DPP10: variants seen among roughly 807,000 people sequenced by gnomAD.
The protein encoded by DPP10 is dipeptidyl peptidase like 10, also known as inactive dipeptidyl peptidase 10.
Under a neutral mutation model 120.9 loss-of-function variants are expected in DPP10, and 33 were observed. The observed-to-expected ratio is 0.27, with a 90% confidence interval of 0.21 to 0.37. The LOEUF (loss-of-function observed/expected upper bound fraction) is 0.37, where lower values mean the gene tolerates loss of function less well. Among genes scored for constraint, DPP10 ranks in the 10% least tolerant of loss-of-function variants. The pLI is 1.00. For missense variants in DPP10, 816 were observed against 942.8 expected (o/e 0.87, Z 1.76); for synonymous variants, 337 against 326.1 (o/e 1.03, Z -0.36).
At chr2:115,711,916 G>GTTT (rs1245249118) in intron 7 of DPP10, among the ~76,000 whole-genome samples, 16 of 44,716 alleles carry the variant, frequency 3.6e-4, no homozygotes, top group South Asian at 9.6e-4. Context: ...AAATGGTCTG[G>GTTT]TTTTTTTTTT....
chr2:115,124,653 G>GA (rs2049984560), intron 1 of DPP10, among the ~76,000 whole-genome samples: 2 of 152,046 alleles, frequency 1.3e-5, no homozygotes, highest in South Asian at 2.1e-4. Flanking sequence ...CTAATACCTA[G>GA]AATTATAGCC....
chr2:114,469,264 A>G (rs1305352654), intron 1 of DPP10, among the ~76,000 whole-genome samples: 1 of 152,244 alleles, frequency 6.6e-6, no homozygotes, highest in Non-Finnish European at 1.5e-5. Flanking sequence ...TGAGATCAAG[A>G]GTGCAAAAGT....
intron 1 of DPP10, among the ~76,000 whole-genome samples, chr2:115,113,369 TTC>T: frequency 6.6e-6 from 1 of 152,024 alleles, no homozygotes; most frequent in South Asian, 2.1e-4. Context: ...CAAATGTGTC[TTC>T]TGTTAGCCTT....
chr2:114,910,169 C>T (rs1236973509), intron 1 of DPP10, among the ~76,000 whole-genome samples: 4 of 151,936 alleles, frequency 2.6e-5, no homozygotes, highest in East Asian at 1.9e-4. Context: ...AATGTATACA[C>T]ACACATATAA....
chr2:115,808,066 G>A (rs949329269), intron 19 of DPP10, among the ~76,000 whole-genome samples: 1 of 152,132 alleles, frequency 6.6e-6, no homozygotes, highest in South Asian at 2.1e-4. Flanking sequence ...GAAGAAGCTC[G>A]TAAGATACCT....
At chr2:115,066,481 T>C (rs1706851517) in intron 1 of DPP10, among the ~76,000 whole-genome samples, 1 of 152,204 alleles carries the variant, frequency 6.6e-6, no homozygotes. Flanking sequence ...ATGGGAGTCT[T>C]AAGGGTCCAT....
At chr2:115,513,743 A>G (rs1558781629) in intron 4 of DPP10, among the ~76,000 whole-genome samples, 1 of 152,004 alleles carries the variant, frequency 6.6e-6, no homozygotes, top group Non-Finnish European at 1.5e-5. Context: ...CGCTTTTATA[A>G]TAATTGTTTT....
chr2:114,660,041 T>C (rs779676315), intron 1 of DPP10, among the ~76,000 whole-genome samples: 1 of 152,134 alleles, frequency 6.6e-6, no homozygotes, highest in Non-Finnish European at 1.5e-5. Flanking sequence ...TAAATGTATG[T>C]GGTTTTAAGC....
intron 3 of DPP10, among the ~76,000 whole-genome samples, chr2:115,350,217 T>C (rs1395848328): frequency 6.6e-6 from 1 of 152,104 alleles, no homozygotes; most frequent in East Asian, 1.9e-4. Flanking sequence ...GCAGATAATA[T>C]ATTAATTGAA....
At chr2:115,428,322 T>G (rs1327742106) in intron 3 of DPP10, among the ~76,000 whole-genome samples, 1 of 152,226 alleles carries the variant, frequency 6.6e-6, no homozygotes, top group Non-Finnish European at 1.5e-5. Flanking sequence ...GCCCTATGCC[T>G]TGGTACCAAT....
chr2:115,038,264 T>G (rs1477630861), intron 1 of DPP10, among the ~76,000 whole-genome samples: 1 of 151,220 alleles, frequency 6.6e-6, no homozygotes, highest in African/African-American at 2.4e-5. Context: ...ATTATTTTAT[T>G]TATTTATTTA....
intron 7 of DPP10, among the ~76,000 whole-genome samples, chr2:115,716,284 T>C (rs1325402746): frequency 6.6e-6 from 1 of 152,226 alleles, no homozygotes; most frequent in East Asian, 1.9e-4. Context: ...TTACTGAGAA[T>C]TAGGCATTAC....
At chr2:114,540,238 T>G (rs181182956) in intron 1 of DPP10, among the ~76,000 whole-genome samples, 50 of 152,302 alleles carry the variant, frequency 3.3e-4, no homozygotes, top group African/African-American at 7.7e-4. Context: ...TTTAACTCCC[T>G]ACATTGACAT....
intron 1 of DPP10, among the ~76,000 whole-genome samples, chr2:114,755,639 T>C (rs550648240): frequency 2.0e-5 from 3 of 152,188 alleles, no homozygotes; most frequent in Admixed American, 6.5e-5. Flanking sequence ...TCTACTGTGA[T>C]AGAATCTGAA....
At chr2:115,836,613 A>T in intron 23 of DPP10, 48 bp downstream of exon 23, 2 of 1,608,998 alleles carry the variant, frequency 1.2e-6, no homozygotes, top group Non-Finnish European at 1.7e-6. Flanking sequence ...TTTGTTCTAA[A>T]AAATTAGTTA....
intron 1 of DPP10, among the ~76,000 whole-genome samples, chr2:114,574,634 A>C (rs1225559157): frequency 3.3e-5 from 5 of 152,198 alleles, no homozygotes; most frequent in Non-Finnish European, 5.9e-5. Flanking sequence ...CAAAGTGAAA[A>C]ATGGTCTCCA....
At chr2:115,373,253 T>A (rs1408812016) in intron 3 of DPP10, among the ~76,000 whole-genome samples, 1 of 152,180 alleles carries the variant, frequency 6.6e-6, no homozygotes, top group East Asian at 1.9e-4. Flanking sequence ...ACAATTCCAA[T>A]GCAATAGAAA....
intron 3 of DPP10, among the ~76,000 whole-genome samples, chr2:115,425,494 A>C (rs1300910957): frequency 6.6e-6 from 1 of 152,208 alleles, no homozygotes; most frequent in Non-Finnish European, 1.5e-5. Flanking sequence ...AAAATTGCTC[A>C]TTCTCAGAGG....
At chr2:115,702,618 T>C (rs2091938171) in intron 7 of DPP10, among the ~76,000 whole-genome samples, 1 of 152,094 alleles carries the variant, frequency 6.6e-6, no homozygotes, top group Non-Finnish European at 1.5e-5. Flanking sequence ...AAGTCAAATA[T>C]GATTTCATTT....
Sources: allele counts gnomAD v4.1 joint callset (sites outside exome capture counted in the v4.1 genomes callset), GRCh38; gene constraint gnomAD v4.1.1; transcripts MANE v1.5; gene names NCBI Gene and HGNC (gene_info 2026-07-23, HGNC 2026-07-21).